Variants in CCDC178 observed in about 807,000 individuals in gnomAD.
The protein encoded by CCDC178 is coiled-coil domain containing 178.
A neutral mutation model predicts 117.4 loss-of-function variants in CCDC178; 126 were observed. The observed-to-expected ratio is 1.07, with a 90% CI of 0.93 to 1.24. The LOEUF (loss-of-function observed/expected upper bound fraction) is 1.24, where lower values mean the gene tolerates loss of function less well. Among genes scored for constraint, CCDC178 ranks in the 50% most tolerant of loss-of-function variants. CCDC178 has a pLI of 0.00. For synonymous variants in CCDC178, 283 were observed against 313.4 expected, an observed-to-expected ratio of 0.90 and a Z score of 1.02; for missense variants, 1,030 against 986.9, an observed-to-expected ratio of 1.04 and a Z score of -0.59.
At chr18:33,302,105 T>C (rs549917989) in intron 11 of CCDC178, among the ~76,000 whole-genome samples, 12 of 152,104 alleles carry the variant, frequency 7.9e-5, no homozygotes, top group Non-Finnish European at 1.5e-4. Flanking sequence ...GATCTGGTTG[T>C]TTAAAAGTGT....
At chr18:33,006,589 A>C (rs2055755235) in intron 21 of CCDC178, among the ~76,000 whole-genome samples, 1 of 152,052 alleles carries the variant, frequency 6.6e-6, no homozygotes, top group African/African-American at 2.4e-5. Flanking sequence ...CAACAAGTCA[A>C]ATCCTTGTAG....
intron 20 of CCDC178, among the ~76,000 whole-genome samples, chr18:33,099,265 T>C (rs2057588363): frequency 6.6e-6 from 1 of 152,072 alleles, no homozygotes; most frequent in African/African-American, 2.4e-5. Flanking sequence ...CAAGCACCAC[T>C]GTTTCAATAG....
chr18:33,412,664 G>C (rs1034774009), intron 2 of CCDC178, among the ~76,000 whole-genome samples: 1 of 151,976 alleles, frequency 6.6e-6, no homozygotes, highest in African/African-American at 2.4e-5. Flanking sequence ...CAAAACACAA[G>C]TATCATATTA....
intron 21 of CCDC178, among the ~76,000 whole-genome samples, chr18:33,056,950 CTTT>C: frequency 7.0e-6 from 1 of 142,204 alleles, no homozygotes; most frequent in African/African-American, 2.6e-5. Flanking sequence ...TAAGTTTTTC[CTTT>C]TTTTTTTTTT....
At chr18:33,349,649 GT>G (rs1293157614) in intron 7 of CCDC178, among the ~76,000 whole-genome samples, 1 of 151,690 alleles carries the variant, frequency 6.6e-6, no homozygotes, top group African/African-American at 2.4e-5. Flanking sequence ...TTTTAAAAGT[GT>G]TTTTTCTCTG....
intron 20 of CCDC178, among the ~76,000 whole-genome samples, chr18:33,144,163 G>A (rs1192351490): frequency 2.0e-5 from 3 of 152,038 alleles, no homozygotes; most frequent in Non-Finnish European, 4.4e-5. Flanking sequence ...CTACCCGCAA[G>A]CATCCTGAAA....
At chr18:33,043,210 G>A (rs1009158282) in intron 21 of CCDC178, among the ~76,000 whole-genome samples, 8 of 151,958 alleles carry the variant, frequency 5.3e-5, no homozygotes, top group Admixed American at 2.0e-4. Context: ...TGTAAAGGAA[G>A]ATCAAGTAAT....
At chr18:32,956,371 A>G (rs1451675452) in intron 22 of CCDC178, among the ~76,000 whole-genome samples, 3 of 152,194 alleles carry the variant, frequency 2.0e-5, no homozygotes, top group African/African-American at 7.2e-5. Flanking sequence ...TTAAGCCTGG[A>G]TAATACATCA....
At chr18:33,435,016 G>A (rs2064270233) in intron 2 of CCDC178, among the ~76,000 whole-genome samples, 1 of 151,980 alleles carries the variant, frequency 6.6e-6, no homozygotes, top group Admixed American at 6.6e-5. Context: ...TGAACCCACA[G>A]CACCTGGCAA....
chr18:33,415,007 T>C (rs2063914051), intron 2 of CCDC178, among the ~76,000 whole-genome samples: 1 of 152,132 alleles, frequency 6.6e-6, no homozygotes, highest in African/African-American at 2.4e-5. Context: ...TGAGATACCA[T>C]CTCACACCAG....
At chr18:33,047,722 AG>A (rs1232664604) in intron 21 of CCDC178, among the ~76,000 whole-genome samples, 4 of 152,164 alleles carry the variant, frequency 2.6e-5, no homozygotes, top group Non-Finnish European at 4.4e-5. Context: ...ATGAACTCTT[AG>A]CTGTCTCTAA....
chr18:33,104,201 T>C (rs753402568), intron 20 of CCDC178, among the ~76,000 whole-genome samples: 18 of 151,852 alleles, frequency 1.2e-4, no homozygotes, highest in African/African-American at 1.7e-4. Flanking sequence ...TTCCAGGTTT[T>C]TCCAGGGGCT....
At chr18:32,963,831 A>G (rs2054756536) in intron 22 of CCDC178, among the ~76,000 whole-genome samples, 1 of 152,156 alleles carries the variant, frequency 6.6e-6, no homozygotes, top group South Asian at 2.1e-4. Context: ...TTGGACCACA[A>G]GTGTCTAGCA....
At chr18:33,304,066 C>CA (rs1409526832) in intron 11 of CCDC178, among the ~76,000 whole-genome samples, 21 of 151,520 alleles carry the variant, frequency 1.4e-4, no homozygotes, top group Admixed American at 9.9e-4. Context: ...ATTTCCATGG[C>CA]AAAAAAAAGA....
rs200170322 is a variant in CCDC178, at chr18:33,250,991, T to TA, written c.1410-5564dup. Among the ~76,000 whole-genome samples, 1,219 of 151,442 alleles carry TA rather than the reference T, an allele frequency of 8.0e-3. 5 individuals are homozygous for TA. Among genetic ancestry groups the TA allele is most frequent in the Non-Finnish European group, 0.012 (830 of 67,626 alleles). The stretch of plus-strand genomic sequence containing the variant: ...CAAGCAAAACTGAATAAGAAAACAA[T>TA]AAAAAAACCTTCAAATTAAGGAGAA... On this transcript the variant is annotated intron_variant, in intron 14 of 22. Transcript: ENST00000383096.
chr18:33,108,610 T>G (rs2057738655), intron 20 of CCDC178, among the ~76,000 whole-genome samples: 1 of 151,606 alleles, frequency 6.6e-6, no homozygotes, highest in Admixed American at 6.6e-5. Flanking sequence ...GATTTGTTGA[T>G]TATATTTTAA....
intron 21 of CCDC178, among the ~76,000 whole-genome samples, chr18:33,042,238 T>C (rs895442873): frequency 6.6e-6 from 1 of 151,880 alleles, no homozygotes; most frequent in African/African-American, 2.4e-5. Context: ...TTATCAAACA[T>C]GGCACAATTA....
Position 32,983,378 on chromosome 18 carries a change from T to TTTGGG in CCDC178, c.2389-8698_2389-8697insCCCAA, listed in dbSNP as rs201947386. On this transcript the variant is annotated intron_variant, in intron 21 of 22. Coordinates refer to ENST00000383096, the MANE Select transcript of CCDC178 (RefSeq NM_001105528.4). Reference sequence around the variant, plus strand: ...CTAAGAATAGAAATATTACAAATATTACAAATGAAGCCATTTCAGAAGTCC... The same window carrying TTTGGG: ...CTAAGAATAGAAATATTACAAATATTTTGGGACAAATGAAGCCATTTCAGAAGTCC... The TTTGGG allele has an allele frequency of 1.8e-3, 2,515 of 1,404,566 alleles. 38 individuals carry two copies. The African/African-American group carries it at 0.032, about 18-fold the overall frequency. 87.0% of individuals were successfully genotyped at this position (1,404,566 alleles called of 1,614,324 possible).
chr18:33,346,415 A>C lies in CCDC178; in HGVS notation c.458-4T>G, dbSNP rs566759181. The stretch of plus-strand genomic sequence containing the variant: ...TTTAACTCTGGACACTTTTCATCTT[A>C]AACAGAAATAAATATTCACATTTGT... On this transcript the variant is annotated splice_region_variant and splice_polypyrimidine_tract_variant and intron_variant, in intron 8 of 22. Coordinates refer to ENST00000383096, the MANE Select transcript of CCDC178 (RefSeq NM_001105528.4). The C allele has an allele frequency of 1.8e-4, 289 of 1,586,722 alleles. 1 individual carries two copies. The South Asian group carries it at 2.7e-3, about 15-fold the overall frequency.
Sources: gnomAD v4.1 joint callset for allele counts (sites outside exome capture counted in the v4.1 genomes callset) on GRCh38, gnomAD v4.1.1 for gene constraint, MANE v1.5 for transcripts, NCBI Gene and HGNC (gene_info 2026-07-23, HGNC 2026-07-21) for gene names.